The following CENPI variants were observed in gnomAD, a reference collection of about 807,000 sequenced individuals.
CENPI encodes the protein FSH primary response 1.
A neutral mutation model predicts 60.4 loss-of-function variants in CENPI; 4 were observed. That is an observed-to-expected ratio of 0.07 (90% CI 0.03 to 0.15). The LOEUF is 0.15. Among genes scored for constraint, CENPI ranks in the 10% least tolerant of loss-of-function variants. CENPI has a pLI of 1.00. For synonymous variants in CENPI, 157 were observed against 189.4 expected, an observed-to-expected ratio of 0.83 and a Z score of 1.40; for missense variants, 444 against 534.5, an observed-to-expected ratio of 0.83 and a Z score of 1.67.
At chrX:101,143,878 CA>C (rs2089938253) in intron 16 of CENPI, among the ~76,000 whole-genome samples, 1 of 111,545 alleles carries the variant, frequency 9.0e-6, no homozygotes, top group East Asian at 2.8e-4. Context: ...GGAATTCAGG[CA>C]AAACTGAGTT....
In CENPI at chrX:101,117,536, C is replaced by A. The variant is rs1208101568; in HGVS notation, c.592-2866C>A. Among the ~76,000 whole-genome samples the A allele has an allele frequency of 4.5e-5, 5 of 112,244 alleles. No individual in the cohort carries two copies. In the Admixed American group the frequency reaches 4.8e-4, roughly 11 times the overall value. On this transcript the variant is annotated intron_variant, in intron 6 of 21. Coordinates refer to ENST00000682095, the MANE Select transcript of CENPI (RefSeq NM_001386188.2). ...TTGAGCTGGCTTCTGGTTACAAATTCTTGGGAAAGGTTTTATTTTCCTTTC... is the reference window on the plus strand; with the variant it reads ...TTGAGCTGGCTTCTGGTTACAAATTATTGGGAAAGGTTTTATTTTCCTTTC...
At chrX:101,100,824 A>G (rs913232332) in intron 2 of CENPI, 2 of 359,670 alleles carry the variant, frequency 5.6e-6, no homozygotes, top group African/African-American at 2.5e-5. Context: ...CTAGAAAGCT[A>G]GTTCAGCTGA....
At position 101,102,418 on chromosome X, in the gene CENPI, T is replaced by C. The variant is rs773330852; in HGVS notation, c.364+7T>C. ...GCACTCAGTGGCAAATTTGGTATGT[T>C]GAGGAAATGCTTTTTTTTTCTTTTA... On this transcript the variant is annotated splice_region_variant and intron_variant, in intron 4 of 21. Coordinates refer to ENST00000682095, the MANE Select transcript of CENPI (RefSeq NM_001386188.2). 3.0e-5 allele frequency: 34 copies of C among 1,137,951 alleles called. No individual in the cohort carries two copies. The highest frequency in any genetic ancestry group is 3.8e-5 in the Non-Finnish European group (33 of 858,674). The allele number at this position is 1,137,951 out of a possible 1,213,427, so 93.8% of individuals were successfully genotyped here.
chrX:101,146,662 A>T (rs774001042), intron 18 of CENPI, among the ~76,000 whole-genome samples: 11 of 112,010 alleles, frequency 9.8e-5, no homozygotes, highest in African/African-American at 3.6e-4. Flanking sequence ...TGCCAATTAT[A>T]TGAAACTGTA....
intron 21 of CENPI, among the ~76,000 whole-genome samples, chrX:101,162,473 A>AAAAATAT (rs1303045267): frequency 1.9e-4 from 13 of 68,127 alleles, no homozygotes; most frequent in African/African-American, 8.3e-4. Context: ...AAAAAAAAAA[A>AAAAATAT]ATATATATAT....
At position 101,124,037 on chromosome X, in the gene CENPI, G is replaced by C. The variant is rs181638035; in HGVS notation, c.688-2672G>C. The stretch of plus-strand genomic sequence containing the variant: ...TGACTATGTTAATATTCTCAAAACA[G>C]AATTCTCCTGTTTCCTGTCTTATGT... On this transcript the variant is annotated intron_variant, in intron 8 of 21. Transcript: ENST00000682095. Among the ~76,000 whole-genome samples the C allele has an allele frequency of 3.6e-5, 4 of 110,572 alleles. No homozygotes were observed. The Admixed American group carries it at 3.9e-4, about 11-fold the overall frequency.
chrX:101,174,209 C>T, the CENPI span, among the ~76,000 whole-genome samples: 1 of 112,256 alleles, frequency 8.9e-6, no homozygotes, highest in Non-Finnish European at 1.9e-5. Flanking sequence ...AACTTAAAAC[C>T]ATTTGACCTA....
At chrX:101,138,228 T>C (rs908953135) in intron 15 of CENPI, among the ~76,000 whole-genome samples, 1 of 107,057 alleles carries the variant, frequency 9.3e-6, no homozygotes, top group Non-Finnish European at 1.9e-5. Context: ...CCTCAAGTGA[T>C]CCGCCCGCCT....
At chrX:101,177,442 G>T in the CENPI span, among the ~76,000 whole-genome samples, 1 of 111,358 alleles carries the variant, frequency 9.0e-6, no homozygotes, top group Non-Finnish European at 1.9e-5. Context: ...CTAGGCCCTT[G>T]GAAGGCATGG....
the CENPI span, among the ~76,000 whole-genome samples, chrX:101,175,338 C>T: frequency 8.9e-6 from 1 of 111,878 alleles, no homozygotes; most frequent in Non-Finnish European, 1.9e-5. Flanking sequence ...CTACCACCTA[C>T]CCCTGTTGGA....
At chrX:101,143,516 GA>G (rs1202332828) in intron 16 of CENPI, among the ~76,000 whole-genome samples, 3 of 109,932 alleles carry the variant, frequency 2.7e-5, no homozygotes, top group Admixed American at 9.7e-5. Flanking sequence ...GAATTCAAGT[GA>G]AAAAAAAATA....
At chrX:101,133,757 A>G (rs1602812910) in intron 15 of CENPI, among the ~76,000 whole-genome samples, 1 of 111,951 alleles carries the variant, frequency 8.9e-6, no homozygotes, top group Admixed American at 9.6e-5. Context: ...GATGTTGCCA[A>G]GTATCCCAGG....
intron 20 of CENPI, among the ~76,000 whole-genome samples, chrX:101,160,378 T>C (rs2090096954): frequency 1.6e-5 from 1 of 63,577 alleles, no homozygotes. Context: ...TTTAGTTCTT[T>C]TTTTTTTTTT....
chrX:101,103,072 G>T (rs2089441721), intron 4 of CENPI, among the ~76,000 whole-genome samples: 1 of 106,107 alleles, frequency 9.4e-6, no homozygotes, highest in African/African-American at 3.5e-5. Context: ...TCAGCTCACT[G>T]CAACCTCCAC....
chrX:101,172,128 TAGAC>T, the CENPI span, among the ~76,000 whole-genome samples: 8 of 111,795 alleles, frequency 7.2e-5, no homozygotes, highest in African/African-American at 9.7e-5. Context: ...CCCTGTAAGA[TAGAC>T]AGGCATAATA....
chrX:101,176,635 TGTTAA>T, the CENPI span, among the ~76,000 whole-genome samples: 3 of 112,544 alleles, frequency 2.7e-5, no homozygotes, highest in Admixed American at 2.8e-4. Context: ...TGTTTTATCT[TGTTAA>T]GTTGTTTGAG....
chrX:101,180,146 C>CT, the CENPI span, among the ~76,000 whole-genome samples: 6 of 109,566 alleles, frequency 5.5e-5, no homozygotes, highest in African/African-American at 2.0e-4. Context: ...GTTTTTTGAC[C>CT]TTTTTTTTGA....
chrX:101,108,458 A>G (rs979691156), intron 4 of CENPI, among the ~76,000 whole-genome samples: 5 of 109,862 alleles, frequency 4.6e-5, no homozygotes, highest in Admixed American at 3.0e-4. Context: ...AGCATCCCAA[A>G]GTGCTTAGAT....
intron 20 of CENPI, among the ~76,000 whole-genome samples, chrX:101,151,964 AG>A (rs1216622192): frequency 1.8e-5 from 2 of 111,848 alleles, no homozygotes; most frequent in African/African-American, 3.2e-5. Context: ...TATTCCCAAA[AG>A]AAACATCACA....
Sources: gnomAD v4.1 joint callset for allele counts (sites outside exome capture counted in the v4.1 genomes callset) on GRCh38, gnomAD v4.1.1 for gene constraint, MANE v1.5 for transcripts, NCBI Gene and HGNC (gene_info 2026-07-23, HGNC 2026-07-21) for gene names.